AKAP11: variants seen among roughly 807,000 people sequenced by gnomAD.
AKAP11 encodes A-kinase anchor protein 11.
In AKAP11, 36 loss-of-function variants were observed where a neutral mutation model predicts 146.1. The ratio of observed to expected loss-of-function variants is 0.25; its 90% CI spans 0.19 to 0.33. The LOEUF (loss-of-function observed/expected upper bound fraction) is 0.33. Ranked by LOEUF, AKAP11 falls within the 10% of genes least tolerant of loss-of-function variation. The pLI is 1.00. For synonymous variants in AKAP11, 780 were observed against 786.5 expected (o/e 0.99, Z 0.14); for missense variants, 2,201 against 2,197.0 (o/e 1.00, Z -0.04).
chr13:42,307,809 AGACT>A (rs1451873409), intron 8 of AKAP11, among the ~76,000 whole-genome samples: 4 of 152,170 alleles, frequency 2.6e-5, no homozygotes, highest in Non-Finnish European at 5.9e-5. Context: ...TTTGATCCGA[AGACT>A]GACATTTTTT....
chr13:42,317,631 T>C lies in AKAP11; in HGVS notation c.5508T>C (p.Ser1836=). The C allele has an allele frequency of 3.1e-6, 5 of 1,614,210 alleles. No individual in the cohort carries two copies. Among genetic ancestry groups the C allele is most frequent in the Non-Finnish European group, 4.2e-6 (5 of 1,180,018 alleles). ...TTATTCTTCAGTGGCTCATTGCCTC[T>C]GAGGCTGAAGTTGCAGAACTTTATT... is the stretch of plus-strand genomic sequence containing the variant. The part of the protein sequence containing the change: ...LRIILQWLIA[S]EAEVAELYFH... Residue 1836 remains serine (S), a synonymous_variant, in exon 12 of 13, where the codon TCT becomes TCC. Transcript: ENST00000025301.
intron 8 of AKAP11, among the ~76,000 whole-genome samples, chr13:42,306,116 A>G (rs1960241206): frequency 6.6e-6 from 1 of 152,194 alleles, no homozygotes; most frequent in Admixed American, 6.5e-5. Context: ...ACAGAAAACA[A>G]TTGCGAACCT....
At chr13:42,273,926 C>CA (rs564377928) in intron 1 of AKAP11, among the ~76,000 whole-genome samples, 24 of 152,234 alleles carry the variant, frequency 1.6e-4, no homozygotes, top group Admixed American at 1.4e-3. Context: ...CTATACGTGA[C>CA]AAAAATGTGA....
At chr13:42,274,261 G>A (rs1235956582) in intron 1 of AKAP11, among the ~76,000 whole-genome samples, 2 of 152,174 alleles carry the variant, frequency 1.3e-5, no homozygotes, top group Admixed American at 1.3e-4. Flanking sequence ...GCCTGGGCAT[G>A]AGTTAAGGGT....
rs1298884044 is a variant in AKAP11, at chr13:42,301,537, G to A, written c.2791G>A (p.Ala931Thr). 1 of 1,614,116 alleles carries A rather than the reference G, an allele frequency of 6.2e-7. No homozygotes were observed. The highest frequency in any genetic ancestry group is 1.7e-5 in the Admixed American group (1 of 60,028). ...CDQAVLQCSEASSNKDMFADR... is the reference protein window; with the variant it reads ...CDQAVLQCSETSSNKDMFADR... ...TCAGGCAGTGCTGCAATGCAGTGAA[G>A]CTAGTAGCAATAAGGACATGTTTGC... The change falls in exon 8 of 13, where the codon GCT (alanine) becomes ACT (threonine). Residue 931 changes from alanine (A) to threonine (T), a missense_variant. Coordinates refer to ENST00000025301, the MANE Select transcript of AKAP11 (RefSeq NM_016248.4).
intron 4 of AKAP11, among the ~76,000 whole-genome samples, chr13:42,294,818 G>C (rs1959415795): frequency 6.6e-6 from 1 of 152,154 alleles, no homozygotes; most frequent in Admixed American, 6.5e-5. Context: ...GAAAAAAATA[G>C]CTCCATCATC....
chr13:42,282,807 C>CT (rs1477017158), intron 1 of AKAP11, among the ~76,000 whole-genome samples: 1 of 152,180 alleles, frequency 6.6e-6, no homozygotes, highest in Non-Finnish European at 1.5e-5. Context: ...CTCTCATCTG[C>CT]TTTTTTCCAA....
At chr13:42,292,803 G>C (rs745673100) in intron 4 of AKAP11, among the ~76,000 whole-genome samples, 4 of 152,086 alleles carry the variant, frequency 2.6e-5, no homozygotes, top group Non-Finnish European at 5.9e-5. Context: ...TTCAGCAACT[G>C]ATACTTTAAT....
chr13:42,311,620 A>G (rs1369768438), intron 9 of AKAP11, among the ~76,000 whole-genome samples: 1 of 152,094 alleles, frequency 6.6e-6, no homozygotes, highest in African/African-American at 2.4e-5. Flanking sequence ...TTTATGTAAT[A>G]GGTAGGTGAT....
rs1327226466 is a variant in AKAP11, at chr13:42,288,021, C to G, written c.51+1622C>G. ...GAATTCAACTTGAATTATTGGAATC[C>G]CTTTTAGATAAAAGTATGTGAATCC... is the stretch of plus-strand genomic sequence containing the variant. On this transcript the variant is annotated intron_variant, in intron 3 of 12. Transcript: ENST00000025301. 3.3e-5 allele frequency among the ~76,000 whole-genome samples: 5 copies of G among 152,036 alleles called. 1 individual carries two copies. In the East Asian group the frequency reaches 9.6e-4, roughly 29 times the overall value.
rs1959740217 is a variant in AKAP11 at position 42,299,729 on chromosome 13, G to C, written c.983G>C (p.Ser328Thr). The change falls in exon 8 of 13, where the codon AGC becomes ACC. Residue 328 changes from serine (S) to threonine (T), a missense_variant. Ser to Thr is a moderately conservative substitution (Grantham distance 58). Around this residue, in one of 3 missense-constraint regions of AKAP11, gnomAD observed 1,867 missense variants for 1,833.5 expected, o/e 1.02. Coordinates refer to ENST00000025301, the MANE Select transcript of AKAP11 (RefSeq NM_016248.4). ...TTGGATGAAGAGGGATATCAAAAAA[G>C]CTTAAAAGCAAAACTTGAGCTGCCT... ...IFLDEEGYQK[S>T]LKAKLELPKI... The C allele has an allele frequency of 1.2e-6, 2 of 1,613,810 alleles. No individual in the cohort carries two copies. Among genetic ancestry groups the C allele is most frequent in the African/African-American group, 1.3e-5 (1 of 74,916 alleles).
chr13:42,273,175 C>G (rs1315104198), intron 1 of AKAP11, among the ~76,000 whole-genome samples: 1 of 152,130 alleles, frequency 6.6e-6, no homozygotes, highest in Non-Finnish European at 1.5e-5. Flanking sequence ...CTGCTTCCCA[C>G]TGTTTTAGAA....
At chr13:42,281,187 A>T (rs544256678) in intron 1 of AKAP11, among the ~76,000 whole-genome samples, 18 of 152,354 alleles carry the variant, frequency 1.2e-4, no homozygotes, top group Non-Finnish European at 2.2e-4. Context: ...ATAAGGATGA[A>T]GACTAAGAAA....
intron 1 of AKAP11, among the ~76,000 whole-genome samples, chr13:42,276,490 C>T (rs1269265058): frequency 6.6e-6 from 1 of 152,170 alleles, no homozygotes; most frequent in African/African-American, 2.4e-5. Context: ...AAGCCGTCCA[C>T]CTGCCTTGGC....
chr13:42,302,365 C>T lies in AKAP11; in HGVS notation c.3619C>T (p.Leu1207Phe). Residue 1207 changes from leucine to phenylalanine, a missense_variant, in exon 8 of 13, where the codon CTT becomes TTT. Physicochemically the swap from Leu to Phe is conservative, Grantham distance 22. Transcript: ENST00000025301. Reference sequence around the variant, plus strand: ...TGCAGAAGCATTAGCTACACACATCCTTTCTCTTGCAACTGAAATGGCAGC... The same window carrying T: ...TGCAGAAGCATTAGCTACACACATCTTTTCTCTTGCAACTGAAATGGCAGC... ...QFAEALATHI[L>F]SLATEMAASH... 2 of 1,614,132 alleles carry T rather than the reference C, an allele frequency of 1.2e-6. No homozygotes were observed. Among genetic ancestry groups the T allele is most frequent in the South Asian group, 2.2e-5 (2 of 91,068 alleles).
intron 4 of AKAP11, 52 bp downstream of exon 4, chr13:42,292,553 C>A (rs772140204): frequency 1.8e-6 from 2 of 1,121,774 alleles, no homozygotes; most frequent in Admixed American, 3.8e-5. Context: ...AGCATATTTT[C>A]ATGCATCTTT....
Position 42,319,318 on chromosome 13 carries a change from A to G in AKAP11, c.*90A>G. The G allele has an allele frequency of 6.7e-7, 1 of 1,494,096 alleles. No individual in the cohort carries two copies. Among genetic ancestry groups the G allele is most frequent in the Non-Finnish European group, 9.0e-7 (1 of 1,116,484 alleles). The allele number at this position is 1,494,096 out of a possible 1,614,324, so 92.6% of individuals were successfully genotyped here. A position where few individuals can be genotyped will look rare whatever the true frequency, so the allele number is the denominator to read the frequency against. ...TTAGGATAAAATTTGAATAGTGAAT[A>G]TTAACATCGTAAGTCAGTTGGGAGG... is the stretch of plus-strand genomic sequence containing the variant. On this transcript the variant is annotated 3_prime_UTR_variant, in exon 13 of 13. Coordinates refer to ENST00000025301, the MANE Select transcript of AKAP11 (RefSeq NM_016248.4).
chr13:42,299,895 A>G lies in AKAP11; in HGVS notation c.1149A>G (p.Ser383=), dbSNP rs149794989. The change falls in exon 8 of 13, where the codon TCA becomes TCG. Residue 383 remains serine (S), a synonymous_variant. Transcript: ENST00000025301. ...ACAAAGATCCCGTCATAGGGAAGTC[A>G]TCGCAGAGGAAAGGGCACAAACATG... ...LFNKDPVIGK[S]SQRKGHKHGK... 2.4e-5 allele frequency: 39 copies of G among 1,613,874 alleles called. No individual in the cohort carries two copies. The highest frequency in any genetic ancestry group is 8.0e-5 in the African/African-American group (6 of 74,920).
At chr13:42,279,327 C>T (rs1273960189) in intron 1 of AKAP11, among the ~76,000 whole-genome samples, 2 of 152,048 alleles carry the variant, frequency 1.3e-5, no homozygotes, top group Non-Finnish European at 2.9e-5. Context: ...TATGTCTCTT[C>T]GTGGAACTCC....
Sources: gnomAD v4.1 joint callset for allele counts (sites outside exome capture counted in the v4.1 genomes callset) on GRCh38, gnomAD v4.1.1 for gene constraint, gnomAD v4.1.1 regional missense constraint, MANE v1.5 for transcripts, NCBI Gene and HGNC (gene_info 2026-07-23, HGNC 2026-07-21) for gene names.